Variants in HMCN2 observed in about 807,000 individuals in gnomAD.
HMCN2 encodes the protein hemicentin-2.
A neutral mutation model predicts 377.5 loss-of-function variants in HMCN2; 325 were observed. That is an observed-to-expected ratio of 0.86 (90% confidence interval 0.79 to 0.94). The LOEUF is 0.94. HMCN2 is among the 40% of genes least tolerant of loss of function. The pLI is 0.00. For missense variants in HMCN2, 4,543 were observed against 4,725.3 expected (o/e 0.96, Z 1.13); for synonymous variants, 2,007 against 2,046.8 (o/e 0.98, Z 0.53).
rs2131350401 is a variant in HMCN2 at position 130,306,137 on chromosome 9, C to G, written c.1825C>G (p.Gln609Glu). ...CACTTTTTGGGTCACAGAGGCCCCA[C>G]AGGTCAGCATCCACACCAGCTCCCA... ...SVWLLVREAP[Q>E]VSIHTSSQHF... Residue 609 changes from glutamine to glutamate, a missense_variant, in exon 12 of 98, where the codon CAG becomes GAG. By Grantham distance (29) the Gln-to-Glu change is conservative (BLOSUM62 2). Around this residue, in one of 5 missense-constraint regions of HMCN2, gnomAD observed 547 missense variants for 189.9 expected, o/e 2.88. Transcript: ENST00000683500. 2 of 471,102 alleles carry G rather than the reference C, an allele frequency of 4.2e-6. No homozygotes were observed. Among genetic ancestry groups the G allele is most frequent in the South Asian group, 1.5e-5 (1 of 64,560 alleles). The allele number at this position is 471,102 out of a possible 1,614,324, so 29.2% of individuals were successfully genotyped here. A position where few individuals can be genotyped will look rare whatever the true frequency, so the allele number is the denominator to read the frequency against.
chr9:130,364,947 G>T, intron 41 of HMCN2, 58 bp downstream of exon 41: 2 of 949,372 alleles, frequency 2.1e-6, no homozygotes, highest in Non-Finnish European at 2.5e-6. Flanking sequence ...GGCAGGGTGG[G>T]GCCTGCAGGT....
Position 130,351,051 on chromosome 9 carries a change from C to T in HMCN2, c.4431-372C>T, listed in dbSNP as rs1478057408. Reference sequence around the variant, plus strand: ...CCAGTCGCTGTCCCCTTCTCCCCAGCCCCTGGCAACCACAAGCCTGCTTTC... The same window carrying T: ...CCAGTCGCTGTCCCCTTCTCCCCAGTCCCTGGCAACCACAAGCCTGCTTTC... On this transcript the variant is annotated intron_variant, in intron 29 of 97. Coordinates refer to ENST00000683500, the MANE Select transcript of HMCN2 (RefSeq NM_001291815.2). The surrounding 1 kb of genome is among the most constrained non-coding windows in gnomAD (Gnocchi z 5.4). 1.3e-5 allele frequency among the ~76,000 whole-genome samples: 2 copies of T among 152,208 alleles called. No individual in the cohort carries two copies. Among genetic ancestry groups the T allele is most frequent in the Non-Finnish European group, 2.9e-5 (2 of 68,034 alleles).
Position 130,414,539 on chromosome 9 carries a change from CA to C in HMCN2, c.12961+3889del, listed in dbSNP as rs1843588533. On this transcript the variant is annotated intron_variant, in intron 85 of 97. Coordinates refer to ENST00000683500, the MANE Select transcript of HMCN2 (RefSeq NM_001291815.2). This position sits in a 1 kb window ranked among gnomAD's most constrained non-coding sequence, Gnocchi z 4.4. ...AAAAGCTCAACTTACACACCAGGAA[CA>C]AGGAAAATCTCAATGAAAGCAGACA... Among the ~76,000 whole-genome samples, 1 of 151,516 alleles carries C rather than the reference CA, an allele frequency of 6.6e-6. No homozygotes were observed.
At position 130,433,781 on chromosome 9, in the gene HMCN2, G is replaced by A. The variant is rs1281519451; in HGVS notation, c.*88G>A. 2 of 1,107,978 alleles carry A rather than the reference G, an allele frequency of 1.8e-6. No homozygotes were observed. The highest frequency in any genetic ancestry group is 3.9e-5 in the Admixed American group (1 of 25,496). The allele number at this position is 1,107,978 out of a possible 1,614,324, so 68.6% of individuals were successfully genotyped here. On this transcript the variant is annotated 3_prime_UTR_variant, in exon 98 of 98. Coordinates refer to ENST00000683500, the MANE Select transcript of HMCN2 (RefSeq NM_001291815.2). The stretch of plus-strand genomic sequence containing the variant: ...TGGTCCACGCCACCTGCTGTGGCAA[G>A]CGGAGCGTCATCGTCTCCCGCCCCG...
chr9:130,385,854 T>C, intron 60 of HMCN2, 92 bp downstream of exon 60: 2 of 852,294 alleles, frequency 2.3e-6, no homozygotes, highest in South Asian at 3.0e-5. Flanking sequence ...GTGGGCAGGA[T>C]GTGAGTTGCT....
chr9:130,420,044 T>A (rs537644298), intron 86 of HMCN2, among the ~76,000 whole-genome samples: 1 of 151,714 alleles, frequency 6.6e-6, no homozygotes, highest in Admixed American at 6.6e-5. Context: ...CCCCCATGTA[T>A]TTCAGGGCTT....
chr9:130,345,494 GT>G (rs1467109785), intron 25 of HMCN2, among the ~76,000 whole-genome samples: 1 of 150,406 alleles, frequency 6.6e-6, no homozygotes, highest in African/African-American at 2.5e-5. Context: ...TGTTTGGTAT[GT>G]ATGTCATGTG....
At chr9:130,407,448 C>A in intron 82 of HMCN2, 123 bp from the exon 83 acceptor site, 1 of 860,564 alleles carries the variant, frequency 1.2e-6, no homozygotes, top group Non-Finnish European at 1.6e-6. Context: ...CTGATTTGAT[C>A]AACCTTCACC....
intron 71 of HMCN2, among the ~76,000 whole-genome samples, chr9:130,395,583 C>T (rs1462254294): frequency 2.0e-5 from 3 of 152,222 alleles, no homozygotes; most frequent in Non-Finnish European, 2.9e-5. Context: ...ACCCAGTATT[C>T]TCCCCCTGGC....
At position 130,402,870 on chromosome 9, in the gene HMCN2, A is replaced by G; in HGVS notation, c.11852A>G (p.His3951Arg). The part of the protein sequence containing the change: ...CSARNSAGVA[H>R]KHVFLTVQAS... ...GCCCGCAACTCTGCCGGCGTAGCCC[A>G]CAAGCACGTCTTCCTCACTGTGCAA... The change falls in exon 78 of 98, where the codon CAC becomes CGC. Residue 3951 changes from histidine (H) to arginine (R), a missense_variant. Around this residue, in one of 5 missense-constraint regions of HMCN2, gnomAD observed 1,073 missense variants for 1,319.5 expected, o/e 0.81. Coordinates refer to ENST00000683500, the MANE Select transcript of HMCN2 (RefSeq NM_001291815.2). 2 of 1,289,728 alleles carry G rather than the reference A, an allele frequency of 1.6e-6. No homozygotes were observed. Among genetic ancestry groups the G allele is most frequent in the South Asian group, 2.5e-5 (2 of 81,018 alleles). 79.9% of individuals were successfully genotyped at this position (1,289,728 alleles called of 1,614,324 possible). A position where few individuals can be genotyped will look rare whatever the true frequency, so the allele number is the denominator to read the frequency against.
intron 62 of HMCN2, 62 bp downstream of exon 62, chr9:130,388,602 C>A: frequency 1.0e-6 from 1 of 978,050 alleles, no homozygotes; most frequent in African/African-American, 1.7e-5. Flanking sequence ...AAGATGACAG[C>A]AGAAGCGGAC....
intron 94 of HMCN2, chr9:130,430,059 G>A (rs1381199604): frequency 1.3e-5 from 8 of 605,978 alleles, no homozygotes; most frequent in Admixed American, 3.0e-5. Flanking sequence ...AGTCTGGGAC[G>A]AGGCTGAGAG....
In HMCN2 at chr9:130,286,271, T is replaced by C. The variant is rs1554927666; in HGVS notation, c.573T>C (p.Ser191=). The part of the protein sequence containing the change: ...LAYEEIAATS[S]GQVFHLDKQQ... ...ATGAGGAGATCGCTGCCACCAGCTC[T>C]GGGCAGGTGTTCCACCTGGACAAGC... Residue 191 remains serine (S), a synonymous_variant, in exon 4 of 98, where the codon TCT becomes TCC. Transcript: ENST00000683500. 1 of 471,088 alleles carries C rather than the reference T, an allele frequency of 2.1e-6. No homozygotes were observed. The highest frequency in any genetic ancestry group is 7.0e-5 in the East Asian group (1 of 14,388). The allele number at this position is 471,088 out of a possible 1,614,324, so 29.2% of individuals were successfully genotyped here.
chr9:130,407,801 G>A (rs1035501416), intron 83 of HMCN2, 96 bp downstream of exon 83: 63 of 939,968 alleles, frequency 6.7e-5, no homozygotes, highest in Non-Finnish European at 8.2e-5. Flanking sequence ...CCTGTCCTCT[G>A]AACTAGTGGT....
chr9:130,394,294 A>G lies in HMCN2; in HGVS notation c.10502-91A>G. On this transcript the variant is annotated intron_variant, in intron 68 of 97. Coordinates refer to ENST00000683500, the MANE Select transcript of HMCN2 (RefSeq NM_001291815.2). This position sits in a 1 kb window ranked among gnomAD's most constrained non-coding sequence, Gnocchi z 5.1. ...ACAAGGGCCACCAAAATGTGGGAGC[A>G]GAGCCCCTGGACTCAGCACAGTGTT... 2 of 829,862 alleles carry G rather than the reference A, an allele frequency of 2.4e-6. No individual in the cohort carries two copies. Among genetic ancestry groups the G allele is most frequent in the Admixed American group, 6.2e-5 (2 of 32,228 alleles). 51.4% of individuals were successfully genotyped at this position (829,862 alleles called of 1,614,324 possible). A position where few individuals can be genotyped will look rare whatever the true frequency, so the allele number is the denominator to read the frequency against.
chr9:130,424,753 C>T, intron 87 of HMCN2, 23 bp from the exon 88 acceptor site: 1 of 1,518,132 alleles, frequency 6.6e-7, no homozygotes, highest in Non-Finnish European at 8.8e-7. Context: ...TCTAACCCGG[C>T]CTCTATGCCC....
chr9:130,294,936 A>T lies in HMCN2; in HGVS notation c.694A>T (p.Thr232Ser). 1 of 470,990 alleles carries T rather than the reference A, an allele frequency of 2.1e-6. No homozygotes were observed. The allele number at this position is 470,990 out of a possible 1,614,324, so 29.2% of individuals were successfully genotyped here. The change falls in exon 5 of 98, where the codon ACA (threonine) becomes TCA (serine). Residue 232 changes from threonine to serine, a missense_variant. Physicochemically the swap from Thr to Ser is moderately conservative, Grantham distance 58. Coordinates refer to ENST00000683500, the MANE Select transcript of HMCN2 (RefSeq NM_001291815.2). ...AGACCACGAGGAGGAGGGGGAGCAC[A>T]CATGGAGACTCCCCTTTGACCCCAG... ...STDHEEEGEHTWRLPFDPSLK... is the reference protein window; with the variant it reads ...STDHEEEGEHSWRLPFDPSLK...
At chr9:130,385,347 C>T (rs1333060087) in intron 59 of HMCN2, among the ~76,000 whole-genome samples, 1 of 152,032 alleles carries the variant, frequency 6.6e-6, no homozygotes, top group African/African-American at 2.4e-5. Context: ...GAGGCTGAGG[C>T]TCAGAGAGGC....
intron 55 of HMCN2, 69 bp from the exon 56 acceptor site, chr9:130,382,610 C>A: frequency 1.6e-6 from 1 of 615,252 alleles, no homozygotes; most frequent in Non-Finnish European, 2.0e-6. Context: ...GTGCCACTCT[C>A]GCCTCCACGG....
Sources: allele counts gnomAD v4.1 joint callset (sites outside exome capture counted in the v4.1 genomes callset), GRCh38; gene constraint gnomAD v4.1.1; regional missense constraint gnomAD v4.1.1; non-coding constraint Gnocchi (gnomAD v3.1); transcripts MANE v1.5; gene names NCBI Gene and HGNC (gene_info 2026-07-23, HGNC 2026-07-21).